Variants in RNF38 observed in about 807,000 individuals in gnomAD.
RNF38 encodes ring finger protein 38, also known as E3 ubiquitin-protein ligase RNF38.
A neutral mutation model predicts 67.2 loss-of-function variants in RNF38; 15 were observed. That is an observed-to-expected ratio of 0.22 (90% CI 0.15 to 0.34). The LOEUF is 0.34. RNF38 is among the 10% of genes least tolerant of loss of function. RNF38 has a pLI of 1.00. For missense variants in RNF38, 524 were observed against 639.9 expected (o/e 0.82, Z 1.95); for synonymous variants, 220 against 218.8 (o/e 1.01, Z -0.05).
intron 1 of RNF38, among the ~76,000 whole-genome samples, chr9:36,450,852 T>G (rs1489771569): frequency 1.3e-5 from 2 of 151,936 alleles, no homozygotes; most frequent in African/African-American, 4.8e-5. Context: ...AGGTGGAGGT[T>G]GCGGTAAGCC....
intron 1 of RNF38, among the ~76,000 whole-genome samples, chr9:36,444,668 T>C (rs1466244820): frequency 6.6e-6 from 1 of 152,030 alleles, no homozygotes; most frequent in East Asian, 1.9e-4. Context: ...GAAGTGGTGG[T>C]GCACACCTAT....
chr9:36,422,354 T>C, intron 2 of RNF38, among the ~76,000 whole-genome samples: 1 of 151,600 alleles, frequency 6.6e-6, no homozygotes, highest in East Asian at 1.9e-4. Flanking sequence ...GAGGCAGAGG[T>C]TGCAGTGAGC....
At chr9:36,359,529 C>T (rs1225409238) in intron 4 of RNF38, among the ~76,000 whole-genome samples, 1 of 152,068 alleles carries the variant, frequency 6.6e-6, no homozygotes, top group Non-Finnish European at 1.5e-5. Context: ...GCACACATTC[C>T]TGGATTTCAT....
upstream of RNF38, among the ~76,000 whole-genome samples, chr9:36,405,438 A>C (rs1838154902): frequency 6.6e-6 from 1 of 152,072 alleles, no homozygotes; most frequent in Non-Finnish European, 1.5e-5. Context: ...TAAATGGTTG[A>C]TTTGGTTTGT....
intron 11 of RNF38, among the ~76,000 whole-genome samples, chr9:36,341,641 G>A (rs1197330790): frequency 6.6e-6 from 1 of 151,906 alleles, no homozygotes; most frequent in Non-Finnish European, 1.5e-5. Flanking sequence ...GGAGGCTGAG[G>A]TGGGAGGATT....
chr9:36,348,388 G>A (rs552001691), intron 9 of RNF38, among the ~76,000 whole-genome samples: 3 of 152,140 alleles, frequency 2.0e-5, no homozygotes, highest in East Asian at 1.9e-4. Flanking sequence ...TGGGAGAATC[G>A]CTTGAGCCTG....
chr9:36,402,678 AG>A (rs1387770472), upstream of RNF38, among the ~76,000 whole-genome samples: 1 of 152,170 alleles, frequency 6.6e-6, no homozygotes, highest in Non-Finnish European at 1.5e-5. Flanking sequence ...TGCTGAACTC[AG>A]CAGCAAAAAT....
chr9:36,340,723 A>C (rs925505045), intron 11 of RNF38, among the ~76,000 whole-genome samples: 1 of 152,196 alleles, frequency 6.6e-6, no homozygotes, highest in East Asian at 1.9e-4. Flanking sequence ...AGTGGTACCG[A>C]GGAAAGCTTG....
At chr9:36,454,580 CTTTT>C (rs377679133) in intron 1 of RNF38, among the ~76,000 whole-genome samples, 2 of 112,452 alleles carry the variant, frequency 1.8e-5, no homozygotes, top group Admixed American at 1.1e-4. Context: ...CATTAATTTA[CTTTT>C]TTTTTTTTTT....
intron 2 of RNF38, among the ~76,000 whole-genome samples, chr9:36,382,779 C>T (rs973588032): frequency 6.6e-6 from 1 of 152,178 alleles, no homozygotes; most frequent in Non-Finnish European, 1.5e-5. Flanking sequence ...CTACTCTTCA[C>T]CTTAGATTTA....
At chr9:36,405,359 TTTGA>T (rs1468022898), upstream of RNF38, among the ~76,000 whole-genome samples, 2 of 152,232 alleles carry the variant, frequency 1.3e-5, no homozygotes, top group Non-Finnish European at 1.5e-5. Context: ...AATATGTGAA[TTTGA>T]TTGGTTTGGG....
rs150021543 is a variant in RNF38, at chr9:36,421,493, G to A, written n.312+3120C>T. On this transcript the variant is annotated intron_variant and non_coding_transcript_variant, in intron 2 of 3. Transcript: ENST00000488058. ...AGCCTGACCAACATGGAGAAACCTC[G>A]TCTCTACTAAAAATACAAAATTAGC... 2.6e-4 allele frequency among the ~76,000 whole-genome samples: 39 copies of A among 151,818 alleles called. No individual in the cohort carries two copies. The East Asian group carries it at 5.8e-3, about 23-fold the overall frequency.
chr9:36,341,587 T>TA (rs996215533), intron 11 of RNF38, among the ~76,000 whole-genome samples: 6 of 151,918 alleles, frequency 3.9e-5, no homozygotes, highest in Non-Finnish European at 1.5e-5. Flanking sequence ...CTTTTTTTTT[T>TA]AAACATTAAA....
chr9:36,400,984 G>A (rs898741856), upstream of RNF38: 13 of 984,394 alleles, frequency 1.3e-5, no homozygotes, highest in African/African-American at 5.3e-5. Flanking sequence ...CGGCGCACTG[G>A]CCTCCGCTGC....
At chr9:36,439,562 C>G (rs749037712) in intron 1 of RNF38, among the ~76,000 whole-genome samples, 3 of 151,824 alleles carry the variant, frequency 2.0e-5, no homozygotes, top group Admixed American at 6.6e-5. Flanking sequence ...CCCAGCACTT[C>G]GGGAGGCTGA....
intron 9 of RNF38, among the ~76,000 whole-genome samples, chr9:36,345,172 G>A (rs1833133314): frequency 6.6e-6 from 1 of 152,034 alleles, no homozygotes; most frequent in South Asian, 2.1e-4. Flanking sequence ...GCGTACCACT[G>A]CAGCCCTATT....
At chr9:36,448,948 T>C (rs7867509) in intron 1 of RNF38, among the ~76,000 whole-genome samples, 101,845 of 151,896 alleles carry the variant, frequency 0.67, 34,247 homozygotes, top group Non-Finnish European at 0.69. Context: ...GAGCCAAGAT[T>C]GTGCCACTGC....
intron 1 of RNF38, among the ~76,000 whole-genome samples, chr9:36,399,192 T>C (rs1217778971): frequency 6.6e-6 from 1 of 152,182 alleles, no homozygotes; most frequent in African/African-American, 2.4e-5. Flanking sequence ...AAAAACAAGA[T>C]GGGCATATAA....
intron 2 of RNF38, among the ~76,000 whole-genome samples, chr9:36,423,494 T>C (rs996538995): frequency 3.9e-5 from 6 of 152,146 alleles, no homozygotes; most frequent in African/African-American, 1.4e-4. Context: ...GAGTGATAGA[T>C]TCCTGCATAT....
Sources: allele counts gnomAD v4.1 joint callset (sites outside exome capture counted in the v4.1 genomes callset), GRCh38; gene constraint gnomAD v4.1.1; transcripts MANE v1.5; gene names NCBI Gene and HGNC (gene_info 2026-07-23, HGNC 2026-07-21).